Variants in RALYL observed in about 807,000 individuals in gnomAD.
RALYL encodes the protein RALY RNA binding protein like, also known as RNA-binding Raly-like protein.
A neutral mutation model predicts 35.1 loss-of-function variants in RALYL; 29 were observed. The observed-to-expected ratio is 0.83, with a 90% CI of 0.61 to 1.13. RALYL has a LOEUF of 1.13. Among genes scored for constraint, RALYL ranks in the 50% most tolerant of loss-of-function variants. The pLI is 0.00. For synonymous variants in RALYL, 120 were observed against 127.6 expected, an observed-to-expected ratio of 0.94 and a Z score of 0.40; for missense variants, 359 against 360.4, an observed-to-expected ratio of 1.00 and a Z score of 0.03.
At chr8:84,328,575 C>T (rs1265244265) in intron 1 of RALYL, among the ~76,000 whole-genome samples, 1 of 152,122 alleles carries the variant, frequency 6.6e-6, no homozygotes, top group Non-Finnish European at 1.5e-5. Context: ...TTTTGTTTGC[C>T]TCCCAGCTTA....
At chr8:84,757,328 G>A (rs1001363619) in intron 2 of RALYL, among the ~76,000 whole-genome samples, 1 of 151,990 alleles carries the variant, frequency 6.6e-6, no homozygotes, top group Non-Finnish European at 1.5e-5. Context: ...AACTAGTTCC[G>A]ATTTCACAGA....
chr8:84,757,954 T>A (rs1388150761), intron 2 of RALYL, among the ~76,000 whole-genome samples: 1 of 151,974 alleles, frequency 6.6e-6, no homozygotes, highest in African/African-American at 2.4e-5. Flanking sequence ...AAAAGCAAAA[T>A]ATAGGAGAAA....
rs1406539413 is a variant in RALYL at position 84,778,222 on chromosome 8, A to T, written c.332+3568A>T. 3.9e-5 allele frequency among the ~76,000 whole-genome samples: 6 copies of T among 152,314 alleles called. No individual in the cohort carries two copies. In the East Asian group the frequency reaches 9.7e-4, roughly 25 times the overall value. On this transcript the variant is annotated intron_variant, in intron 3 of 8. Coordinates refer to ENST00000521268, the MANE Select transcript of RALYL (RefSeq NM_173848.7). The stretch of plus-strand genomic sequence containing the variant: ...CTATTCTATTTGGACCACTAAGTGA[A>T]CTGCCGCCAGACTTTCTTCTTCACG...
chr8:84,645,426 A>T lies in RALYL; in HGVS notation c.256+115849A>T, dbSNP rs558482860. On this transcript the variant is annotated intron_variant, in intron 2 of 8. Coordinates refer to ENST00000521268, the MANE Select transcript of RALYL (RefSeq NM_173848.7). ...CTGTTTTCTCCATTTTAAAATTTTT[A>T]CAATCTCTTCTGTCAATTTTAATTG... is the stretch of plus-strand genomic sequence containing the variant. 2.3e-3 allele frequency among the ~76,000 whole-genome samples: 355 copies of T among 152,048 alleles called. 3 individuals carry two copies. Among genetic ancestry groups the T allele is most frequent in the African/African-American group, 8.0e-3 (334 of 41,542 alleles).
intron 1 of RALYL, among the ~76,000 whole-genome samples, chr8:84,360,047 A>T (rs1041173046): frequency 6.6e-6 from 1 of 151,898 alleles, no homozygotes; most frequent in Non-Finnish European, 1.5e-5. Flanking sequence ...TAATTTTTGT[A>T]TTTTTAGTAA....
chr8:84,671,183 A>G (rs1833149276), intron 2 of RALYL, among the ~76,000 whole-genome samples: 1 of 152,148 alleles, frequency 6.6e-6, no homozygotes, highest in Admixed American at 6.5e-5. Context: ...CATGTCTCAC[A>G]TCCAGGTCAT....
intron 1 of RALYL, among the ~76,000 whole-genome samples, chr8:84,528,129 T>A (rs1049116690): frequency 1.6e-4 from 25 of 152,160 alleles, no homozygotes. Context: ...ATGCACTTAT[T>A]TTTGTAGCTG....
intron 1 of RALYL, among the ~76,000 whole-genome samples, chr8:84,352,168 C>T (rs1258840197): frequency 6.7e-6 from 1 of 149,816 alleles, no homozygotes; most frequent in African/African-American, 2.5e-5. Flanking sequence ...GACTTTTTTT[C>T]CCCTCCAATT....
chr8:84,769,877 T>C (rs1815012709), intron 2 of RALYL, among the ~76,000 whole-genome samples: 2 of 152,300 alleles, frequency 1.3e-5, no homozygotes, highest in Admixed American at 6.5e-5. Flanking sequence ...AAGTAAGTTA[T>C]GAGGAATAAT....
At chr8:84,407,446 T>C (rs1266117553) in intron 1 of RALYL, among the ~76,000 whole-genome samples, 1 of 152,184 alleles carries the variant, frequency 6.6e-6, no homozygotes, top group Non-Finnish European at 1.5e-5. Flanking sequence ...CCCATGTGTC[T>C]ATCATTCTTA....
At chr8:84,746,944 A>C (rs1399681239) in intron 2 of RALYL, among the ~76,000 whole-genome samples, 1 of 151,766 alleles carries the variant, frequency 6.6e-6, no homozygotes, top group African/African-American at 2.4e-5. Context: ...TTCTTAGGTT[A>C]GGTTCAATTA....
Position 84,574,911 on chromosome 8 carries a change from T to A in RALYL, c.256+45334T>A, listed in dbSNP as rs555237905. ...ATCATATATTTTTGTCTATAATTTT[T>A]AAAAATAGTTGTTTACGTGACATAT... On this transcript the variant is annotated intron_variant, in intron 2 of 8. Coordinates refer to ENST00000521268, the MANE Select transcript of RALYL (RefSeq NM_173848.7). Among the ~76,000 whole-genome samples the A allele has an allele frequency of 3.9e-5, 6 of 152,292 alleles. No homozygotes were observed. The South Asian group carries it at 1.0e-3, about 26-fold the overall frequency.
chr8:84,603,066 C>T (rs1162011525), intron 2 of RALYL, among the ~76,000 whole-genome samples: 1 of 151,930 alleles, frequency 6.6e-6, no homozygotes, highest in Non-Finnish European at 1.5e-5. Flanking sequence ...CTGAACTGTA[C>T]ACCTAAAAAT....
chr8:84,498,255 C>T (rs1390217564), intron 1 of RALYL, among the ~76,000 whole-genome samples: 2 of 151,922 alleles, frequency 1.3e-5, no homozygotes, highest in Non-Finnish European at 2.9e-5. Context: ...TGAATATGCT[C>T]TCTTCAGCTT....
chr8:84,743,757 TTAAAAAGGAAAGCAA>T (rs1374865450), intron 2 of RALYL, among the ~76,000 whole-genome samples: 1 of 152,040 alleles, frequency 6.6e-6, no homozygotes, highest in Non-Finnish European at 1.5e-5. Flanking sequence ...TTATGCAGCC[TTAAAAAGGAAAGCAA>T]TCCTGACACA....
chr8:84,585,257 T>A (rs961585198), intron 2 of RALYL, among the ~76,000 whole-genome samples: 4 of 152,198 alleles, frequency 2.6e-5, no homozygotes, highest in African/African-American at 9.6e-5. Flanking sequence ...CTTCTTTCTC[T>A]ATGTTTGTGT....
intron 2 of RALYL, among the ~76,000 whole-genome samples, chr8:84,667,214 A>G (rs1018948841): frequency 2.6e-5 from 4 of 151,598 alleles, no homozygotes; most frequent in African/African-American, 9.7e-5. Flanking sequence ...TTTCCTGTAA[A>G]CTGTTAGCTA....
At chr8:84,600,210 T>C (rs1242635367) in intron 2 of RALYL, among the ~76,000 whole-genome samples, 1 of 152,142 alleles carries the variant, frequency 6.6e-6, no homozygotes, top group Non-Finnish European at 1.5e-5. Flanking sequence ...AATAGTGTAA[T>C]GTTTAATTAC....
At chr8:84,201,283 G>C (rs964678404) in intron 1 of RALYL, among the ~76,000 whole-genome samples, 1 of 152,170 alleles carries the variant, frequency 6.6e-6, no homozygotes, top group Non-Finnish European at 1.5e-5. Flanking sequence ...TAGTATCTTT[G>C]ACTAAAACTT....
Sources: gnomAD v4.1 joint callset for allele counts (sites outside exome capture counted in the v4.1 genomes callset) on GRCh38, gnomAD v4.1.1 for gene constraint, MANE v1.5 for transcripts, NCBI Gene and HGNC (gene_info 2026-07-23, HGNC 2026-07-21) for gene names.